Variants in SERGEF observed in about 807,000 individuals in gnomAD.
SERGEF encodes the protein secretion-regulating guanine nucleotide exchange factor.
SERGEF carries 51 observed loss-of-function variants against 50.0 expected under a neutral mutation model. The ratio of observed to expected loss-of-function variants is 1.02; its 90% CI spans 0.81 to 1.29. The LOEUF (loss-of-function observed/expected upper bound fraction) is 1.29, where lower values mean the gene tolerates loss of function less well. Ranked by LOEUF, SERGEF falls within the 50% of genes most tolerant of loss-of-function variation. The probability of loss-of-function intolerance (pLI) is 0.00; values close to 1 mark genes in which losing one functional copy is unlikely to be tolerated. For synonymous variants in SERGEF, 205 were observed against 212.4 expected, an observed-to-expected ratio of 0.97 and a Z score of 0.30; for missense variants, 521 against 557.0, an observed-to-expected ratio of 0.94 and a Z score of 0.65.
At chr11:17,944,884 T>C (rs1852628355) in intron 9 of SERGEF, among the ~76,000 whole-genome samples, 1 of 152,162 alleles carries the variant, frequency 6.6e-6, no homozygotes, top group Admixed American at 6.5e-5. Context: ...AAAGATCAAA[T>C]AGTACAGAAA....
At chr11:17,843,104 T>G (rs1298839264) in intron 10 of SERGEF, among the ~76,000 whole-genome samples, 5 of 152,212 alleles carry the variant, frequency 3.3e-5, no homozygotes, top group Non-Finnish European at 5.9e-5. Context: ...CAGGCCACAC[T>G]TAAAGTCAGG....
chr11:17,949,666 T>C (rs1852737617), intron 9 of SERGEF, among the ~76,000 whole-genome samples: 1 of 152,014 alleles, frequency 6.6e-6, no homozygotes, highest in Non-Finnish European at 1.5e-5. Context: ...AGGTCAGGGC[T>C]CATCACATCC....
intron 10 of SERGEF, among the ~76,000 whole-genome samples, chr11:17,836,111 T>C (rs766741784): frequency 5.9e-5 from 9 of 152,232 alleles, no homozygotes; most frequent in African/African-American, 1.4e-4. Context: ...ACTGAGCACA[T>C]ACCATGTGCC....
intron 9 of SERGEF, among the ~76,000 whole-genome samples, chr11:17,936,834 G>C (rs533896810): frequency 1.2e-4 from 18 of 152,318 alleles, no homozygotes; most frequent in Non-Finnish European, 2.4e-4. Context: ...AGGGATCAAG[G>C]ATGAGAATGT....
chr11:17,848,482 C>T (rs1367660558), intron 10 of SERGEF, among the ~76,000 whole-genome samples: 1 of 152,210 alleles, frequency 6.6e-6, no homozygotes. Context: ...GTGTGAACAT[C>T]TGGGTCTGGA....
intron 9 of SERGEF, among the ~76,000 whole-genome samples, chr11:17,906,061 C>T (rs575856634): frequency 6.6e-6 from 1 of 152,304 alleles, no homozygotes; most frequent in South Asian, 2.1e-4. Context: ...CTTCAAGAAG[C>T]TTCCCCTGAC....
intron 9 of SERGEF, among the ~76,000 whole-genome samples, chr11:17,954,611 G>A (rs865905200): frequency 4.6e-4 from 70 of 152,296 alleles, no homozygotes; most frequent in African/African-American, 1.5e-3. Context: ...AGAGCTGATG[G>A]CATTTGGGCT....
chr11:17,979,433 C>T (rs1190339570), intron 8 of SERGEF, among the ~76,000 whole-genome samples: 1 of 152,142 alleles, frequency 6.6e-6, no homozygotes, highest in Non-Finnish European at 1.5e-5. Flanking sequence ...CAAGCCACCA[C>T]CACAGCCTGG....
At chr11:17,860,912 G>A (rs1278762844) in intron 10 of SERGEF, among the ~76,000 whole-genome samples, 1 of 152,200 alleles carries the variant, frequency 6.6e-6, no homozygotes, top group Non-Finnish European at 1.5e-5. Context: ...AGTTCCCTGA[G>A]GAGCAAGAAG....
intron 10 of SERGEF, among the ~76,000 whole-genome samples, chr11:17,850,711 T>A (rs1850695390): frequency 1.3e-5 from 2 of 152,228 alleles, no homozygotes; most frequent in Admixed American, 6.5e-5. Context: ...AGTACTCTGG[T>A]AATCATGGCT....
chr11:18,007,894 C>T (rs201599844), intron 2 of SERGEF, 47 bp downstream of exon 2: 45 of 1,559,362 alleles, frequency 2.9e-5, no homozygotes, highest in Middle Eastern at 1.7e-4. Flanking sequence ...CAGGGGAAAA[C>T]GTCTAAATAA....
intron 9 of SERGEF, among the ~76,000 whole-genome samples, chr11:17,959,002 G>A (rs1852935298): frequency 6.6e-6 from 1 of 152,072 alleles, no homozygotes; most frequent in South Asian, 2.1e-4. Flanking sequence ...CCAAGTAGCT[G>A]GGACTACAGG....
At chr11:17,833,273 A>G (rs1850344295) in intron 10 of SERGEF, among the ~76,000 whole-genome samples, 2 of 152,234 alleles carry the variant, frequency 1.3e-5, no homozygotes, top group Admixed American at 6.5e-5. Context: ...AGAGGGTGCG[A>G]ACCTCAAACC....
intron 1 of SERGEF, among the ~76,000 whole-genome samples, chr11:18,011,737 T>C (rs1452435678): frequency 6.6e-6 from 1 of 152,206 alleles, no homozygotes; most frequent in African/African-American, 2.4e-5. Context: ...CTGTTTCCTC[T>C]GTCCACACAG....
At chr11:17,971,520 A>G (rs912173045) in intron 8 of SERGEF, among the ~76,000 whole-genome samples, 2 of 152,226 alleles carry the variant, frequency 1.3e-5, no homozygotes, top group Non-Finnish European at 2.9e-5. Flanking sequence ...CCTGGATGAT[A>G]GCACATCTGT....
chr11:17,941,967 T>A (rs546000643), intron 9 of SERGEF, among the ~76,000 whole-genome samples: 2 of 152,342 alleles, frequency 1.3e-5, no homozygotes, highest in East Asian at 1.9e-4. Flanking sequence ...TGCCCTTTTT[T>A]AAAATTGGGC....
chr11:17,894,906 C>A (rs1056037291), intron 9 of SERGEF, among the ~76,000 whole-genome samples: 2 of 152,208 alleles, frequency 1.3e-5, no homozygotes, highest in African/African-American at 4.8e-5. Flanking sequence ...GCAGATCCCA[C>A]AAGGCCTAGG....
intron 10 of SERGEF, among the ~76,000 whole-genome samples, chr11:17,807,129 C>G (rs996470596): frequency 1.3e-5 from 2 of 152,198 alleles, no homozygotes; most frequent in African/African-American, 4.8e-5. Context: ...ACAACTTGCT[C>G]TGTTTATAAT....
At chr11:17,892,379 C>A (rs775698600) in intron 9 of SERGEF, among the ~76,000 whole-genome samples, 7 of 152,118 alleles carry the variant, frequency 4.6e-5, no homozygotes, top group African/African-American at 7.2e-5. Context: ...TGCCCTCTGC[C>A]ACTGCCATGA....
Sources: allele counts gnomAD v4.1 joint callset (sites outside exome capture counted in the v4.1 genomes callset), GRCh38; gene constraint gnomAD v4.1.1; transcripts MANE v1.5; gene names NCBI Gene and HGNC (gene_info 2026-07-23, HGNC 2026-07-21).